Variants in FAM13B observed in about 807,000 individuals in gnomAD.
The protein encoded by FAM13B is protein FAM13B.
In FAM13B, 60 loss-of-function variants were observed where a neutral mutation model predicts 117.3. That is an observed-to-expected ratio of 0.51 (90% CI 0.42 to 0.63). The LOEUF (loss-of-function observed/expected upper bound fraction) is 0.63. Among genes scored for constraint, FAM13B ranks in the 30% least tolerant of loss-of-function variants. The probability of loss-of-function intolerance (pLI) is 0.00; values close to 1 mark genes in which losing one functional copy is unlikely to be tolerated. For missense variants in FAM13B, 972 were observed against 1,091.9 expected (o/e 0.89, Z 1.55); for synonymous variants, 332 against 356.1 (o/e 0.93, Z 0.76).
chr5:137,970,950 G>C (rs7728768), intron 10 of FAM13B, among the ~76,000 whole-genome samples: 47,000 of 151,152 alleles, frequency 0.31, 7,382 homozygotes, highest in South Asian at 0.37. Context: ...GGAGCACCCA[G>C]ATTCATAAAG....
chr5:137,964,635 T>G (rs1440634172), intron 10 of FAM13B, among the ~76,000 whole-genome samples: 2 of 151,522 alleles, frequency 1.3e-5, no homozygotes, highest in Admixed American at 1.3e-4. Flanking sequence ...ACAGGAGAAT[T>G]GCTTGAACCC....
At chr5:137,950,385 G>C (rs1764620202) in intron 17 of FAM13B, among the ~76,000 whole-genome samples, 1 of 152,150 alleles carries the variant, frequency 6.6e-6, no homozygotes, top group Admixed American at 6.5e-5. Flanking sequence ...AGGTCCTAAA[G>C]CTTGGCAAGT....
At chr5:137,976,549 C>A (rs1774066653) in intron 10 of FAM13B, among the ~76,000 whole-genome samples, 1 of 152,128 alleles carries the variant, frequency 6.6e-6, no homozygotes, top group African/African-American at 2.4e-5. Context: ...ACTGTTGTTG[C>A]AGGAAGTCAG....
At position 137,971,477 on chromosome 5, in the gene FAM13B, T is replaced by A. The variant is rs559782765; in HGVS notation, c.1180-9008A>T. On this transcript the variant is annotated intron_variant, in intron 10 of 23. Transcript: ENST00000689681. ...ATTCAAAGCAGTGTGTAGAGGGAAA[T>A]TTATAGCACTAAATGTCCACAAGAG... Among the ~76,000 whole-genome samples, 710 of 144,984 alleles carry A rather than the reference T, an allele frequency of 4.9e-3. 5 individuals carry two copies. Among genetic ancestry groups the A allele is most frequent in the Non-Finnish European group, 5.9e-3 (388 of 65,344 alleles).
At chr5:137,971,947 A>C (rs1772313175) in intron 10 of FAM13B, among the ~76,000 whole-genome samples, 1 of 151,958 alleles carries the variant, frequency 6.6e-6, no homozygotes, top group South Asian at 2.1e-4. Flanking sequence ...CAAGAACAGG[A>C]GCTGAAATTG....
chr5:138,047,852 T>C (rs890470731), intron 1 of FAM13B, among the ~76,000 whole-genome samples: 15 of 152,220 alleles, frequency 9.9e-5, no homozygotes, highest in African/African-American at 3.6e-4. Context: ...CCCTAGATAT[T>C]CCTCTAGGGG....
At chr5:137,967,442 G>A (rs1275849453) in intron 10 of FAM13B, among the ~76,000 whole-genome samples, 1 of 152,012 alleles carries the variant, frequency 6.6e-6, no homozygotes, top group Admixed American at 6.5e-5. Context: ...AGAACTGCTT[G>A]AACCCAGGAG....
intron 1 of FAM13B, among the ~76,000 whole-genome samples, chr5:138,029,381 G>C (rs1024993734): frequency 1.3e-5 from 2 of 152,194 alleles, no homozygotes; most frequent in African/African-American, 4.8e-5. Context: ...AATTCATAAA[G>C]CACTTAAATA....
Position 137,970,972 on chromosome 5 carries a change from T to C in FAM13B, c.1180-8503A>G, listed in dbSNP as rs879358910. Among the ~76,000 whole-genome samples, 855 of 151,874 alleles carry C rather than the reference T, an allele frequency of 5.6e-3. 11 individuals are homozygous for C. The highest frequency in any genetic ancestry group is 5.6e-3 in the Non-Finnish European group (382 of 67,866). ...CCAGATTCATAAAGCAAGTCCTGAG[T>C]GACCTACAAAGAGACTTAGACTTCC... On this transcript the variant is annotated intron_variant, in intron 10 of 23. Transcript: ENST00000689681.
chr5:137,992,174 A>T (rs937472747), intron 7 of FAM13B, among the ~76,000 whole-genome samples: 4 of 152,020 alleles, frequency 2.6e-5, no homozygotes, highest in African/African-American at 7.2e-5. Context: ...AGCTTCCCCA[A>T]GTGCTAGGAT....
intron 7 of FAM13B, among the ~76,000 whole-genome samples, chr5:138,004,934 G>C (rs1168111877): frequency 6.6e-6 from 1 of 152,068 alleles, no homozygotes; most frequent in Admixed American, 6.6e-5. Context: ...GGAGAGCAGA[G>C]CTCTAAATTA....
intron 7 of FAM13B, among the ~76,000 whole-genome samples, chr5:138,001,541 A>G (rs1026458088): frequency 1.3e-5 from 2 of 152,242 alleles, no homozygotes; most frequent in African/African-American, 4.8e-5. Flanking sequence ...AACAAGTAAT[A>G]CTTTACTGAG....
At chr5:138,011,747 A>G (rs373845251) in intron 5 of FAM13B, 21 bp downstream of exon 5, 37 of 1,582,506 alleles carry the variant, frequency 2.3e-5, no homozygotes, top group Non-Finnish European at 3.2e-5. Context: ...AAATTAAACA[A>G]AAATTTTTTA....
intron 13 of FAM13B, among the ~76,000 whole-genome samples, chr5:137,958,318 A>G (rs999236903): frequency 2.6e-5 from 4 of 152,254 alleles, no homozygotes; most frequent in Non-Finnish European, 5.9e-5. Context: ...CTAAGTTAAA[A>G]CAGATAATAT....
chr5:138,046,757 T>C (rs79193381), intron 1 of FAM13B, among the ~76,000 whole-genome samples: 1 of 151,944 alleles, frequency 6.6e-6, no homozygotes, highest in Non-Finnish European at 1.5e-5. Context: ...TTTTCTTTTC[T>C]TTTTTTTGAA....
At chr5:137,972,458 C>T (rs1184499400) in intron 10 of FAM13B, among the ~76,000 whole-genome samples, 11 of 150,566 alleles carry the variant, frequency 7.3e-5, no homozygotes, top group Non-Finnish European at 1.5e-4. Flanking sequence ...TGGGACGTAT[C>T]TCAAAATAAT....
chr5:138,002,822 C>T (rs1581222950), intron 7 of FAM13B, among the ~76,000 whole-genome samples: 1 of 147,278 alleles, frequency 6.8e-6, no homozygotes, highest in African/African-American at 2.5e-5. Context: ...CCCGCCACCA[C>T]ACCCGGCTAA....
At chr5:137,985,142 A>T in intron 10 of FAM13B, 115 bp downstream of exon 10, 1 of 1,027,268 alleles carries the variant, frequency 9.7e-7, no homozygotes, top group Non-Finnish European at 1.4e-6. Flanking sequence ...TTGGGGATTT[A>T]TAATTGAGAC....
intron 7 of FAM13B, among the ~76,000 whole-genome samples, chr5:137,995,198 A>G (rs1379814867): frequency 1.3e-5 from 2 of 152,228 alleles, no homozygotes. Context: ...TTTAAACGGA[A>G]AAAGACTGCA....
Sources: gnomAD v4.1 joint callset for allele counts (sites outside exome capture counted in the v4.1 genomes callset) on GRCh38, gnomAD v4.1.1 for gene constraint, MANE v1.5 for transcripts, NCBI Gene and HGNC (gene_info 2026-07-23, HGNC 2026-07-21) for gene names.